ME3: variants seen among roughly 807,000 people sequenced by gnomAD.
The protein encoded by ME3 is NADP-dependent malic enzyme, mitochondrial.
ME3 carries 48 observed loss-of-function variants against 68.9 expected under a neutral mutation model. The observed-to-expected ratio is 0.70, with a 90% CI of 0.55 to 0.89. The LOEUF (loss-of-function observed/expected upper bound fraction) is 0.89, where lower values mean the gene tolerates loss of function less well. ME3 is among the 40% of genes least tolerant of loss of function. ME3 has a pLI of 0.00. For synonymous variants in ME3, 320 were observed against 318.8 expected (o/e 1.00, Z -0.04); for missense variants, 675 against 797.4 (o/e 0.85, Z 1.85).
intron 2 of ME3, among the ~76,000 whole-genome samples, chr11:86,600,154 T>G (rs1960345007): frequency 6.6e-6 from 1 of 152,108 alleles, no homozygotes; most frequent in Admixed American, 6.5e-5. Context: ...AGACACAGAC[T>G]GGCAAATTGG....
chr11:86,634,546 C>T (rs1210316893), intron 2 of ME3, among the ~76,000 whole-genome samples: 1 of 152,178 alleles, frequency 6.6e-6, no homozygotes, highest in Non-Finnish European at 1.5e-5. Flanking sequence ...AATTATCATG[C>T]TGCCAAAAGA....
intron 4 of ME3, among the ~76,000 whole-genome samples, chr11:86,541,460 G>A (rs929212247): frequency 1.3e-5 from 2 of 152,162 alleles, no homozygotes; most frequent in Admixed American, 1.3e-4. Flanking sequence ...GCTTGATGGC[G>A]GGAGGGGCAT....
At chr11:86,665,136 G>A (rs921008086) in intron 2 of ME3, among the ~76,000 whole-genome samples, 5 of 152,180 alleles carry the variant, frequency 3.3e-5, no homozygotes, top group African/African-American at 1.2e-4. Flanking sequence ...CTGCTTACGA[G>A]CACCAACTAA....
intron 4 of ME3, among the ~76,000 whole-genome samples, chr11:86,528,980 A>C (rs972471446): frequency 2.0e-5 from 3 of 152,216 alleles, no homozygotes; most frequent in African/African-American, 7.2e-5. Context: ...TTCAAAAGCT[A>C]GCAGAAGGCA....
intron 2 of ME3, among the ~76,000 whole-genome samples, chr11:86,627,431 T>C (rs575534777): frequency 9.7e-4 from 148 of 152,310 alleles, no homozygotes; most frequent in South Asian, 1.7e-3. Context: ...TTTTCAACTT[T>C]GGCTTTTCAA....
intron 2 of ME3, among the ~76,000 whole-genome samples, chr11:86,669,346 G>A (rs1390170235): frequency 6.6e-6 from 1 of 152,206 alleles, no homozygotes; most frequent in East Asian, 1.9e-4. Context: ...TTAGATTTAT[G>A]GATAACACCT....
chr11:86,651,827 A>G (rs1303844275), intron 2 of ME3, among the ~76,000 whole-genome samples: 5 of 152,206 alleles, frequency 3.3e-5, no homozygotes, highest in African/African-American at 9.7e-5. Context: ...AACCCATGGC[A>G]AAGAAGTTAA....
At chr11:86,488,945 C>T (rs564752520) in intron 6 of ME3, among the ~76,000 whole-genome samples, 1 of 152,118 alleles carries the variant, frequency 6.6e-6, no homozygotes, top group South Asian at 2.1e-4. Flanking sequence ...AGAAAATGGT[C>T]AGGTAGGAAG....
At chr11:86,462,775 G>A (rs911516020) in intron 8 of ME3, 19 of 454,728 alleles carry the variant, frequency 4.2e-5, no homozygotes, top group Admixed American at 3.6e-4. Context: ...GGGGTACAAT[G>A]AAGTAAGAGA....
chr11:86,524,750 CAT>C (rs986285164), intron 4 of ME3, among the ~76,000 whole-genome samples: 1 of 152,160 alleles, frequency 6.6e-6, no homozygotes, highest in East Asian at 1.9e-4. Flanking sequence ...ACTGGGAAAA[CAT>C]ATGCTTAAAC....
rs560464082 is a variant in ME3, at chr11:86,505,714, T to C, written c.543+3078A>G. Among the ~76,000 whole-genome samples, 3 of 152,312 alleles carry C rather than the reference T, an allele frequency of 2.0e-5. No individual in the cohort carries two copies. The South Asian group carries it at 6.2e-4, about 32-fold the overall frequency. ...AATCCTCACAATAGGAAAGCAAAGC[T>C]CAGAGAGGATATCTGCACACGCAGC... On this transcript the variant is annotated intron_variant, in intron 5 of 14. Coordinates refer to ENST00000543262, the Ensembl canonical transcript of ME3.
At chr11:86,448,050 T>G in intron 11 of ME3, 100 bp downstream of exon 11, 1 of 779,522 alleles carries the variant, frequency 1.3e-6, no homozygotes, top group Non-Finnish European at 2.2e-6. Context: ...AAGAGCTGTT[T>G]CCATGGGTTA....
At chr11:86,544,377 G>T (rs1053281260) in intron 4 of ME3, among the ~76,000 whole-genome samples, 1 of 152,038 alleles carries the variant, frequency 6.6e-6, no homozygotes, top group African/African-American at 2.4e-5. Flanking sequence ...CTGGTTTTTT[G>T]AAAAGATTAA....
intron 2 of ME3, among the ~76,000 whole-genome samples, chr11:86,573,189 A>C (rs1957904452): frequency 6.6e-6 from 1 of 152,218 alleles, no homozygotes; most frequent in South Asian, 2.1e-4. Context: ...AACCTTTGTC[A>C]GATGAGTAAA....
chr11:86,593,191 ACCC>A (rs1959156959), intron 2 of ME3, among the ~76,000 whole-genome samples: 4 of 116,718 alleles, frequency 3.4e-5, no homozygotes, highest in African/African-American at 9.7e-5. Context: ...GATTTCCTCC[ACCC>A]TCCTTCACTC....
chr11:86,556,411 C>T (rs1956926784), intron 4 of ME3, 142 bp downstream of exon 4: 3 of 1,056,332 alleles, frequency 2.8e-6, no homozygotes, highest in Non-Finnish European at 3.9e-6. Context: ...TGAGCAAGTG[C>T]TTGAAATCAA....
intron 2 of ME3, among the ~76,000 whole-genome samples, chr11:86,654,312 A>C (rs1945697992): frequency 1.3e-5 from 2 of 152,230 alleles, no homozygotes; most frequent in Non-Finnish European, 2.9e-5. Context: ...ATTTTAGACC[A>C]ATATCTTTGA....
intron 2 of ME3, among the ~76,000 whole-genome samples, chr11:86,666,317 T>TC (rs1326601973): frequency 5.9e-5 from 9 of 152,216 alleles, no homozygotes; most frequent in African/African-American, 2.2e-4. Context: ...GTAAGACCTG[T>TC]CATCCTGGAC....
At chr11:86,557,473 A>C (rs1213726401) in intron 3 of ME3, among the ~76,000 whole-genome samples, 1 of 152,158 alleles carries the variant, frequency 6.6e-6, no homozygotes, top group African/African-American at 2.4e-5. Context: ...ATGAGGTGGG[A>C]TGGGAGAAAT....
Sources: allele counts gnomAD v4.1 joint callset (sites outside exome capture counted in the v4.1 genomes callset), GRCh38; gene constraint gnomAD v4.1.1; transcripts MANE v1.5; gene names NCBI Gene and HGNC (gene_info 2026-07-23, HGNC 2026-07-21).